The following ZNF385D variants were observed in gnomAD, a reference collection of about 807,000 sequenced individuals.
ZNF385D encodes zinc finger protein 659.
ZNF385D carries 15 observed loss-of-function variants against 35.8 expected under a neutral mutation model. The observed-to-expected ratio is 0.42, with a 90% confidence interval of 0.28 to 0.64. ZNF385D has a LOEUF of 0.64. ZNF385D is among the 30% of genes least tolerant of loss of function. The pLI, the probability that ZNF385D is intolerant of heterozygous loss-of-function variation, is 0.23. For missense variants in ZNF385D, 474 were observed against 494.6 expected (o/e 0.96, Z 0.39); for synonymous variants, 212 against 186.8 (o/e 1.13, Z -1.10).
At chr3:21,949,096 A>G (rs1701931859) in intron 3 of ZNF385D, among the ~76,000 whole-genome samples, 1 of 152,220 alleles carries the variant, frequency 6.6e-6, no homozygotes, top group Admixed American at 6.5e-5. Flanking sequence ...GATATTTAAT[A>G]CACTCATTGT....
chr3:21,722,925 G>A (rs2068602629), intron 1 of ZNF385D, among the ~76,000 whole-genome samples: 1 of 152,282 alleles, frequency 6.6e-6, no homozygotes, highest in African/African-American at 2.4e-5. Flanking sequence ...TCTATGACCT[G>A]GTTGTCCTCA....
Position 21,565,796 on chromosome 3 carries a change from T to TAA in ZNF385D, c.166-1114_166-1113dup, listed in dbSNP as rs2063123329. On this transcript the variant is annotated intron_variant, in intron 2 of 7. Coordinates refer to ENST00000281523, the MANE Select transcript of ZNF385D (RefSeq NM_024697.3). Reference sequence around the variant, plus strand: ...TCAAATGATGAGATAAAAGGACTTATAAGTAAGTCTTCATAATAGATTGAG... The same window carrying TAA: ...TCAAATGATGAGATAAAAGGACTTATAAAAGTAAGTCTTCATAATAGATTGAG... Among the ~76,000 whole-genome samples the TAA allele has an allele frequency of 3.3e-5, 5 of 151,748 alleles. No homozygotes were observed. In the South Asian group the frequency reaches 1.1e-3, roughly 32 times the overall value.
intron 3 of ZNF385D, among the ~76,000 whole-genome samples, chr3:22,040,237 CTAATT>C (rs1377231063): frequency 7.9e-5 from 12 of 152,250 alleles, no homozygotes; most frequent in Admixed American, 2.0e-4. Context: ...ACAAATTATC[CTAATT>C]TGAGTACATC....
intron 2 of ZNF385D, among the ~76,000 whole-genome samples, chr3:22,270,759 G>A (rs565260306): frequency 6.6e-5 from 10 of 151,816 alleles, no homozygotes; most frequent in Admixed American, 2.0e-4. Flanking sequence ...TGAATAAGTC[G>A]TAGTGAATCT....
At chr3:21,503,060 T>G (rs1184432823) in intron 4 of ZNF385D, among the ~76,000 whole-genome samples, 1 of 152,298 alleles carries the variant, frequency 6.6e-6, no homozygotes, top group African/African-American at 2.4e-5. Flanking sequence ...CTATAAGAGC[T>G]GATGGAAATG....
intron 2 of ZNF385D, among the ~76,000 whole-genome samples, chr3:22,207,521 T>A (rs1246690749): frequency 6.6e-6 from 1 of 151,916 alleles, no homozygotes; most frequent in Non-Finnish European, 1.5e-5. Flanking sequence ...CTTCCACACA[T>A]TGGACTGGGC....
At chr3:22,110,618 TC>T (rs1411832843) in intron 3 of ZNF385D, among the ~76,000 whole-genome samples, 1 of 150,800 alleles carries the variant, frequency 6.6e-6, no homozygotes, top group Non-Finnish European at 1.5e-5. Flanking sequence ...AAGGGGAACA[TC>T]ACACTCCAGG....
At chr3:21,956,599 A>G (rs559050505) in intron 3 of ZNF385D, among the ~76,000 whole-genome samples, 2 of 152,022 alleles carry the variant, frequency 1.3e-5, no homozygotes, top group African/African-American at 2.4e-5. Context: ...AAAACAATCT[A>G]TATGTCAGAG....
intron 2 of ZNF385D, among the ~76,000 whole-genome samples, chr3:22,329,076 C>CAAA (rs776193960): frequency 0.19 from 13,963 of 74,328 alleles, 1,470 homozygotes; most frequent in Non-Finnish European, 0.23. Flanking sequence ...GACTCCGTCT[C>CAAA]AAAAAAAAAA....
chr3:22,224,165 G>C (rs1395377006), intron 2 of ZNF385D, among the ~76,000 whole-genome samples: 1 of 152,120 alleles, frequency 6.6e-6, no homozygotes, highest in Non-Finnish European at 1.5e-5. Flanking sequence ...TTTGTAATGA[G>C]ATAATAAAAT....
At chr3:22,364,632 T>G (rs1478131838) in intron 2 of ZNF385D, among the ~76,000 whole-genome samples, 3 of 152,100 alleles carry the variant, frequency 2.0e-5, no homozygotes, top group African/African-American at 7.2e-5. Flanking sequence ...ATTAGAAAAC[T>G]TGTATGCTTT....
At chr3:21,528,415 G>C (rs2061835181) in intron 3 of ZNF385D, among the ~76,000 whole-genome samples, 1 of 152,150 alleles carries the variant, frequency 6.6e-6, no homozygotes, top group Non-Finnish European at 1.5e-5. Context: ...ATAAGTGCCA[G>C]TGAACAGGAT....
chr3:21,726,404 G>A (rs1012390526), intron 1 of ZNF385D, among the ~76,000 whole-genome samples: 2 of 152,142 alleles, frequency 1.3e-5, no homozygotes, highest in African/African-American at 2.4e-5. Flanking sequence ...GTTTGCGGAT[G>A]ACATGATCGT....
At chr3:21,670,325 CAAT>C (rs1156715444) in intron 1 of ZNF385D, among the ~76,000 whole-genome samples, 2 of 151,504 alleles carry the variant, frequency 1.3e-5, no homozygotes, top group East Asian at 3.9e-4. Context: ...ATGTGTTTTT[CAAT>C]AATAAGCTAT....
intron 3 of ZNF385D, among the ~76,000 whole-genome samples, chr3:21,859,894 T>C (rs1559698575): frequency 6.6e-6 from 1 of 152,048 alleles, no homozygotes; most frequent in Admixed American, 6.6e-5. Flanking sequence ...ATGCATTATG[T>C]ATGCCGTAAC....
chr3:21,897,164 T>A (rs1015455369), intron 3 of ZNF385D, among the ~76,000 whole-genome samples: 7 of 152,014 alleles, frequency 4.6e-5, no homozygotes, highest in African/African-American at 1.7e-4. Context: ...TTGGAGGGGT[T>A]TTTTACTACC....
intron 3 of ZNF385D, among the ~76,000 whole-genome samples, chr3:21,962,533 C>G (rs922285815): frequency 6.6e-6 from 1 of 152,164 alleles, no homozygotes; most frequent in East Asian, 1.9e-4. Flanking sequence ...ATTTTAAAAG[C>G]TTTGTAGAGA....
chr3:21,421,709 T>A (rs1209507149), intron 7 of ZNF385D, among the ~76,000 whole-genome samples: 1 of 152,230 alleles, frequency 6.6e-6, no homozygotes, highest in Non-Finnish European at 1.5e-5. Flanking sequence ...TTATTATATG[T>A]TTGTTGAAAA....
At chr3:22,150,710 A>T (rs1576407353) in intron 3 of ZNF385D, among the ~76,000 whole-genome samples, 2 of 152,272 alleles carry the variant, frequency 1.3e-5, no homozygotes, top group South Asian at 4.1e-4. Context: ...TATGTCTTAA[A>T]ATATATTTAA....
Sources: allele counts gnomAD v4.1 joint callset (sites outside exome capture counted in the v4.1 genomes callset), GRCh38; gene constraint gnomAD v4.1.1; transcripts MANE v1.5; gene names NCBI Gene and HGNC (gene_info 2026-07-23, HGNC 2026-07-21).